The following ZC3H18 variants were observed in gnomAD, a reference collection of about 807,000 sequenced individuals.
ZC3H18 encodes the protein zinc finger CCCH domain-containing protein 18.
In ZC3H18, 8 loss-of-function variants were observed where a neutral mutation model predicts 106.1. The observed-to-expected ratio is 0.08, with a 90% CI of 0.04 to 0.14. The LOEUF (loss-of-function observed/expected upper bound fraction) is 0.14, where lower values mean the gene tolerates loss of function less well. Among genes scored for constraint, ZC3H18 ranks in the 10% least tolerant of loss-of-function variants. The pLI, the probability that ZC3H18 is intolerant of heterozygous loss-of-function variation, is 1.00. For synonymous variants in ZC3H18, 635 were observed against 522.1 expected (o/e 1.22, Z -2.95); for missense variants, 1,318 against 1,278.4 (o/e 1.03, Z -0.47).
At chr16:88,577,025 C>A (rs1914793732) in intron 1 of ZC3H18, 85 bp from the exon 2 acceptor site, 4 of 1,414,918 alleles carry the variant, frequency 2.8e-6, no homozygotes, top group Non-Finnish European at 3.8e-6. Flanking sequence ...GGATGGAAGT[C>A]CTGCTGCTTC....
chr16:88,610,052 C>G (rs574579362), intron 7 of ZC3H18, among the ~76,000 whole-genome samples: 1 of 152,220 alleles, frequency 6.6e-6, no homozygotes, highest in East Asian at 1.9e-4. Flanking sequence ...CTTCAGCCAG[C>G]TTGTTAAGTC....
At chr16:88,621,559 T>C (rs1193493116) in intron 8 of ZC3H18, among the ~76,000 whole-genome samples, 1 of 152,040 alleles carries the variant, frequency 6.6e-6, no homozygotes, top group Admixed American at 6.6e-5. Context: ...AGTTTCACCA[T>C]GTTGGCCAGG....
At chr16:88,573,041 G>A (rs1489261528) in intron 1 of ZC3H18, among the ~76,000 whole-genome samples, 2 of 152,110 alleles carry the variant, frequency 1.3e-5, no homozygotes, top group African/African-American at 4.8e-5. Flanking sequence ...ACAGGCATGA[G>A]CCACCACACC....
intron 3 of ZC3H18, among the ~76,000 whole-genome samples, chr16:88,590,504 T>C (rs565364107): frequency 3.5e-4 from 53 of 151,832 alleles, no homozygotes; most frequent in African/African-American, 1.2e-3. Flanking sequence ...CAAAGTTCTG[T>C]CCACAGAGGA....
intron 2 of ZC3H18, among the ~76,000 whole-genome samples, chr16:88,581,026 C>G (rs1567577627): frequency 1.3e-5 from 2 of 152,238 alleles, no homozygotes; most frequent in African/African-American, 4.8e-5. Context: ...TAGAGGCTTT[C>G]CCTGCATGCC....
At chr16:88,572,557 A>G (rs537164660) in intron 1 of ZC3H18, among the ~76,000 whole-genome samples, 3 of 152,162 alleles carry the variant, frequency 2.0e-5, no homozygotes, top group South Asian at 2.1e-4. Context: ...TCCTTAGGCA[A>G]GTTCACCCAT....
chr16:88,625,218 A>G lies in ZC3H18; in HGVS notation c.2059A>G (p.Ser687Gly), dbSNP rs1214498010. 6.3e-7 allele frequency: 1 copy of G among 1,591,934 alleles called. No individual in the cohort carries two copies. The highest frequency in any genetic ancestry group is 8.5e-7 in the Non-Finnish European group (1 of 1,169,638). Reference protein sequence around the residue: ...TPPRRRTLSGSGSGSGSSYSG... With the variant: ...TPPRRRTLSGGGSGSGSSYSG... ...GTATTACAGGCGGACGCTAAGCGGC[A>G]GCGGCAGTGGCAGTGGTAGCAGCTA... Residue 687 changes from serine (S) to glycine (G), a missense_variant, in exon 13 of 18, where the codon AGC becomes GGC. Around this residue, in one of 6 missense-constraint regions of ZC3H18, gnomAD observed 848 missense variants for 821.7 expected, o/e 1.03. Transcript: ENST00000301011.
At chr16:88,574,434 C>G (rs1260376068) in intron 1 of ZC3H18, among the ~76,000 whole-genome samples, 2 of 151,830 alleles carry the variant, frequency 1.3e-5, no homozygotes, top group East Asian at 3.9e-4. Context: ...GTCTTGAACT[C>G]CTGACTTCGG....
intron 3 of ZC3H18, among the ~76,000 whole-genome samples, chr16:88,597,583 C>A (rs1202447913): frequency 6.6e-6 from 1 of 152,168 alleles, no homozygotes; most frequent in Admixed American, 6.5e-5. Flanking sequence ...CCTTTACTAA[C>A]CCGGATATTC....
Position 88,576,101 on chromosome 16 carries a change from C to T in ZC3H18, c.-14-1009C>T, listed in dbSNP as rs569028755. On this transcript the variant is annotated intron_variant, in intron 1 of 17. Transcript: ENST00000301011. ...ATTTTTCATAGAGACGGGGTTTCAC[C>T]GTGTTAGCCAGGATGGTCTCGATCT... Among the ~76,000 whole-genome samples the T allele has an allele frequency of 3.9e-5, 6 of 152,260 alleles. No individual in the cohort carries two copies. In the South Asian group the frequency reaches 1.0e-3, roughly 26 times the overall value.
Position 88,583,032 on chromosome 16 carries a change from T to A in ZC3H18, c.604-3568T>A, listed in dbSNP as rs546579616. ...TTTCACCCACATCCTGCAGACAAGATGCCCAGGATTCAGGAGGTTGTGGTT... is the reference window on the plus strand; with the variant it reads ...TTTCACCCACATCCTGCAGACAAGAAGCCCAGGATTCAGGAGGTTGTGGTT... On this transcript the variant is annotated intron_variant, in intron 2 of 17. Coordinates refer to ENST00000301011, the MANE Select transcript of ZC3H18 (RefSeq NM_144604.4). Among the ~76,000 whole-genome samples the A allele has an allele frequency of 1.1e-4, 16 of 152,354 alleles. No homozygotes were observed. The South Asian group carries it at 3.3e-3, about 32-fold the overall frequency.
At chr16:88,620,661 G>A (rs898258401) in intron 8 of ZC3H18, among the ~76,000 whole-genome samples, 1 of 151,768 alleles carries the variant, frequency 6.6e-6, no homozygotes, top group Admixed American at 6.6e-5. Flanking sequence ...GGTGGTGGTT[G>A]TGGTTCTTAG....
intron 1 of ZC3H18, among the ~76,000 whole-genome samples, chr16:88,571,225 A>C (rs927640728): frequency 5.3e-5 from 8 of 152,222 alleles, no homozygotes; most frequent in Admixed American, 3.9e-4. Flanking sequence ...ACTTTATGAC[A>C]ACTGAGTTTG....
chr16:88,609,728 T>TAGCTGGGATTACAGGTGCCC (rs1905184394), intron 7 of ZC3H18, among the ~76,000 whole-genome samples: 1 of 152,134 alleles, frequency 6.6e-6, no homozygotes, highest in African/African-American at 2.4e-5. Context: ...GCCTCCTGAG[T>TAGCTGGGATTACAGGTGCCC]AGCTGGGATT....
Position 88,621,997 on chromosome 16 carries a change from C to G in ZC3H18, c.1476-200C>G, listed in dbSNP as rs536235186. Among the ~76,000 whole-genome samples, 5 of 152,302 alleles carry G rather than the reference C, an allele frequency of 3.3e-5. No homozygotes were observed. In the East Asian group the frequency reaches 7.7e-4, roughly 23 times the overall value. ...TTCCCCTGAGTAACAGACACTGAGC[C>G]AAGGGCCATGGACATCACCCAAGTC... On this transcript the variant is annotated intron_variant, in intron 8 of 17. Transcript: ENST00000301011.
chr16:88,578,177 G>T (rs1369931834), intron 2 of ZC3H18, among the ~76,000 whole-genome samples: 1 of 152,212 alleles, frequency 6.6e-6, no homozygotes, highest in Non-Finnish European at 1.5e-5. Flanking sequence ...GGTTTTGGAT[G>T]TTTTAGGCAT....
intron 8 of ZC3H18, among the ~76,000 whole-genome samples, chr16:88,613,955 A>G (rs896077191): frequency 1.3e-5 from 2 of 152,158 alleles, no homozygotes; most frequent in Non-Finnish European, 2.9e-5. Flanking sequence ...TGTCGATGAG[A>G]GCATGAACGT....
intron 1 of ZC3H18, among the ~76,000 whole-genome samples, chr16:88,570,829 G>T (rs529759930): frequency 1.3e-5 from 2 of 152,284 alleles, no homozygotes; most frequent in East Asian, 3.9e-4. Flanking sequence ...CTGCCTCCGC[G>T]CCCCGCGGCA....
At chr16:88,593,006 A>G (rs759997602) in intron 3 of ZC3H18, among the ~76,000 whole-genome samples, 14 of 152,384 alleles carry the variant, frequency 9.2e-5, no homozygotes, top group African/African-American at 2.9e-4. Flanking sequence ...CCCTATGATA[A>G]AGTTTAATTT....
Sources: gnomAD v4.1 joint callset for allele counts (sites outside exome capture counted in the v4.1 genomes callset) on GRCh38, gnomAD v4.1.1 for gene constraint, gnomAD v4.1.1 regional missense constraint, MANE v1.5 for transcripts, NCBI Gene and HGNC (gene_info 2026-07-23, HGNC 2026-07-21) for gene names.